Variants in CDK13 observed in about 807,000 individuals in gnomAD.
The protein encoded by CDK13 is cyclin-dependent kinase 13.
CDK13 carries 40 observed loss-of-function variants against 137.6 expected under a neutral mutation model. The observed-to-expected ratio is 0.29, with a 90% CI of 0.23 to 0.38. The LOEUF is 0.38. Among genes scored for constraint, CDK13 ranks in the 10% least tolerant of loss-of-function variants. The pLI, the probability that CDK13 is intolerant of heterozygous loss-of-function variation, is 1.00. For missense variants in CDK13, 1,704 were observed against 1,951.8 expected (o/e 0.87, Z 2.39); for synonymous variants, 869 against 760.1 (o/e 1.14, Z -2.36).
chr7:39,970,722 A>G (rs1783980149), intron 1 of CDK13, among the ~76,000 whole-genome samples: 1 of 152,210 alleles, frequency 6.6e-6, no homozygotes, highest in South Asian at 2.1e-4. Context: ...CAGCCTCCCA[A>G]AGTGCTGGGA....
At chr7:40,058,790 A>T (rs990391782) in intron 7 of CDK13, among the ~76,000 whole-genome samples, 14 of 152,170 alleles carry the variant, frequency 9.2e-5, no homozygotes, top group Non-Finnish European at 1.5e-4. Context: ...AGGTGTTAGA[A>T]AATAGATCCC....
intron 1 of CDK13, among the ~76,000 whole-genome samples, chr7:39,982,590 C>T (rs930995953): frequency 2.0e-5 from 3 of 152,178 alleles, no homozygotes; most frequent in Admixed American, 2.0e-4. Context: ...GGAATCGCCA[C>T]ACTGACTTCC....
rs898600607 is a variant in CDK13 at position 39,951,433 on chromosome 7, A to G, written c.792A>G (p.Thr264=). The part of the protein sequence containing the change: ...SGGRRKSASA[T]SSSSSSRKDR... ...GCCGCCGGAAAAGCGCTTCGGCCAC[A>G]TCCAGCAGCAGTAGCAGCCGCAAGG... The change falls in exon 1 of 14, where the codon ACA becomes ACG. Residue 264 remains threonine, a synonymous_variant. Transcript: ENST00000181839. 113 of 1,534,074 alleles carry G rather than the reference A, an allele frequency of 7.4e-5. No individual in the cohort carries two copies. The highest frequency in any genetic ancestry group is 9.6e-5 in the Non-Finnish European group (110 of 1,141,554).
intron 5 of CDK13, among the ~76,000 whole-genome samples, chr7:40,025,352 T>A (rs1321054875): frequency 6.6e-6 from 1 of 152,244 alleles, no homozygotes; most frequent in Non-Finnish European, 1.5e-5. Context: ...TCTGTTGTTT[T>A]GTTGAATAGT....
chr7:40,030,251 A>G (rs60850614), intron 5 of CDK13, among the ~76,000 whole-genome samples: 2,325 of 119,834 alleles, frequency 0.019, 73 homozygotes, highest in African/African-American at 0.099. Flanking sequence ...GTGTGTGTAT[A>G]TGTGTGTGTG....
At chr7:39,992,993 C>T (rs909943608) in intron 2 of CDK13, among the ~76,000 whole-genome samples, 1 of 152,146 alleles carries the variant, frequency 6.6e-6, no homozygotes, top group African/African-American at 2.4e-5. Flanking sequence ...GTTAAGGTCT[C>T]TCCATATATG....
At chr7:40,004,467 G>A (rs866536395) in intron 5 of CDK13, among the ~76,000 whole-genome samples, 24 of 152,214 alleles carry the variant, frequency 1.6e-4, no homozygotes, top group African/African-American at 1.9e-4. Context: ...TAGAGAATGT[G>A]AGAGGTTATA....
At chr7:40,042,218 A>T (rs1785622376) in intron 5 of CDK13, among the ~76,000 whole-genome samples, 1 of 151,868 alleles carries the variant, frequency 6.6e-6, no homozygotes, top group Non-Finnish European at 1.5e-5. Context: ...AGCTGGGATT[A>T]CAGGCTTGTA....
intron 5 of CDK13, among the ~76,000 whole-genome samples, chr7:40,033,324 T>C (rs896829939): frequency 3.9e-5 from 6 of 152,164 alleles, no homozygotes; most frequent in African/African-American, 1.4e-4. Flanking sequence ...CCACCTTTTT[T>C]CCATTAGAGC....
chr7:40,000,730 C>T (rs1043117722), intron 4 of CDK13, among the ~76,000 whole-genome samples: 12 of 152,130 alleles, frequency 7.9e-5, no homozygotes, highest in African/African-American at 2.7e-4. Context: ...CGGACTCATA[C>T]ACAATATAGA....
At chr7:40,032,534 T>C (rs1649043997) in intron 5 of CDK13, among the ~76,000 whole-genome samples, 1 of 152,250 alleles carries the variant, frequency 6.6e-6, no homozygotes, top group African/African-American at 2.4e-5. Context: ...CACTCAAGTC[T>C]TTGATCCATT....
chr7:39,951,578 C>G lies in CDK13; in HGVS notation c.937C>G (p.Arg313Gly), dbSNP rs866208129. 1 of 1,510,550 alleles carries G rather than the reference C, an allele frequency of 6.6e-7. No homozygotes were observed. The highest frequency in any genetic ancestry group is 1.3e-5 in the South Asian group (1 of 79,712). The allele number at this position is 1,510,550 out of a possible 1,614,324, so 93.6% of individuals were successfully genotyped here. The part of the protein sequence containing the change: ...DKTEPKAYRR[R>G]RSLSPLGGRD... ...GACCGAGCCTAAGGCCTACAGGCGG[C>G]GGCGGTCCCTCAGCCCACTGGGAGG... Residue 313 changes from arginine (R) to glycine (G), a missense_variant, in exon 1 of 14, where the codon CGG becomes GGG. By Grantham distance (125) the Arg-to-Gly change is moderately radical. This residue lies in a region of CDK13 where 1,051 missense variants were observed against 931.0 expected (regional missense o/e 1.13). Transcript: ENST00000181839.
intron 7 of CDK13, among the ~76,000 whole-genome samples, chr7:40,058,877 A>G (rs977587461): frequency 6.6e-6 from 1 of 152,154 alleles, no homozygotes; most frequent in Non-Finnish European, 1.5e-5. Context: ...CATTTTGTGT[A>G]TATGATGAAT....
intron 5 of CDK13, among the ~76,000 whole-genome samples, chr7:40,042,368 A>C (rs1235121516): frequency 6.6e-6 from 1 of 150,982 alleles, no homozygotes; most frequent in African/African-American, 2.4e-5. Flanking sequence ...GTCGTGAGCC[A>C]CCACACCCAG....
intron 1 of CDK13, among the ~76,000 whole-genome samples, chr7:39,979,911 C>T (rs1323549287): frequency 3.3e-5 from 5 of 151,974 alleles, no homozygotes; most frequent in Non-Finnish European, 7.4e-5. Flanking sequence ...AGGTTTTGAG[C>T]CAAGGAATGT....
At chr7:40,000,846 GAACA>G (rs2116324065) in intron 4 of CDK13, among the ~76,000 whole-genome samples, 1 of 152,248 alleles carries the variant, frequency 6.6e-6, no homozygotes, top group Admixed American at 6.5e-5. Flanking sequence ...GAAGTGGAAT[GAACA>G]AACCTTTATT....
rs772960266 is a variant in CDK13, at chr7:40,041,257, C to T, written c.2354-4579C>T. The stretch of plus-strand genomic sequence containing the variant: ...ATGAGAATCACTTGAACCCAGGAGG[C>T]GGAGGTTGCAGTGAGCCAAGATCGT... On this transcript the variant is annotated intron_variant, in intron 5 of 13. Coordinates refer to ENST00000181839, the MANE Select transcript of CDK13 (RefSeq NM_003718.5). Among the ~76,000 whole-genome samples, 3 of 152,028 alleles carry T rather than the reference C, an allele frequency of 2.0e-5. No homozygotes were observed. The East Asian group carries it at 5.8e-4, about 29-fold the overall frequency.
intron 5 of CDK13, among the ~76,000 whole-genome samples, chr7:40,038,547 A>G (rs1465390184): frequency 6.6e-6 from 1 of 152,182 alleles, no homozygotes; most frequent in African/African-American, 2.4e-5. Context: ...GATATTGCCA[A>G]ATTTCTCTTC....
At chr7:39,989,040 C>T (rs1329246575) in intron 2 of CDK13, among the ~76,000 whole-genome samples, 3 of 132,400 alleles carry the variant, frequency 2.3e-5, no homozygotes, top group South Asian at 2.5e-4. Context: ...GCCGAGATTG[C>T]GCCACTGCAC....
Sources: allele counts gnomAD v4.1 joint callset (sites outside exome capture counted in the v4.1 genomes callset), GRCh38; gene constraint gnomAD v4.1.1; regional missense constraint gnomAD v4.1.1; transcripts MANE v1.5; gene names NCBI Gene and HGNC (gene_info 2026-07-23, HGNC 2026-07-21).